The following SAP130 variants were observed in gnomAD, a reference collection of about 807,000 sequenced individuals.
SAP130 encodes Sin3A associated protein 130.
A neutral mutation model predicts 103.2 loss-of-function variants in SAP130; 16 were observed. The ratio of observed to expected loss-of-function variants is 0.16; its 90% CI spans 0.10 to 0.24. SAP130 has a LOEUF of 0.24. Ranked by LOEUF, SAP130 falls within the 10% of genes least tolerant of loss-of-function variation. SAP130 has a pLI of 1.00. For synonymous variants in SAP130, 477 were observed against 497.0 expected (o/e 0.96, Z 0.53); for missense variants, 990 against 1,359.7 (o/e 0.73, Z 4.28).
intron 12 of SAP130, 104 bp downstream of exon 12, chr2:127,993,083 C>G (rs1379988960): frequency 6.0e-6 from 8 of 1,340,260 alleles, no homozygotes; most frequent in Non-Finnish European, 8.4e-6. Context: ...AAAACAGAAG[C>G]TGAAATAATT....
intron 6 of SAP130, among the ~76,000 whole-genome samples, chr2:128,012,720 C>A (rs1684488417): frequency 6.6e-6 from 1 of 151,558 alleles, no homozygotes; most frequent in Non-Finnish European, 1.5e-5. Flanking sequence ...AAATTAAAAT[C>A]CCTCAATCCT....
intron 15 of SAP130, among the ~76,000 whole-genome samples, chr2:127,965,056 G>A (rs572397495): frequency 9.0e-4 from 133 of 147,456 alleles, no homozygotes; most frequent in Non-Finnish European, 1.6e-3. Context: ...CAGCCCTTTG[G>A]GAGGCCAAGG....
Position 127,993,321 on chromosome 2 carries a change from C to T in SAP130, c.1356-13G>A, listed in dbSNP as rs780395114. 6.3e-7 allele frequency: 1 copy of T among 1,591,224 alleles called. No homozygotes were observed. Among genetic ancestry groups the T allele is most frequent in the South Asian group, 1.1e-5 (1 of 88,040 alleles). On this transcript the variant is annotated splice_polypyrimidine_tract_variant and intron_variant, in intron 11 of 20. Transcript: ENST00000643581. Reference sequence around the variant, plus strand: ...GGGAACAGACGGTCTAGAGACAGAACAGATGATAGCAAACAAAATAGTCAT... The same window carrying T: ...GGGAACAGACGGTCTAGAGACAGAATAGATGATAGCAAACAAAATAGTCAT...
chr2:127,956,011 T>C lies in SAP130; in HGVS notation c.2064-667A>G, dbSNP rs538814836. Among the ~76,000 whole-genome samples the C allele has an allele frequency of 3.9e-5, 6 of 152,342 alleles. No homozygotes were observed. In the South Asian group the frequency reaches 1.2e-3, roughly 32 times the overall value. ...CCAGAATTCCTTAATATATATGTTG[T>C]CTTTGGAGTTGTTATTTTTCTGTTT... is the stretch of plus-strand genomic sequence containing the variant. On this transcript the variant is annotated intron_variant, in intron 15 of 20. Transcript: ENST00000643581.
chr2:127,977,941 T>C, intron 15 of SAP130, 44 bp downstream of exon 15: 2 of 1,374,108 alleles, frequency 1.5e-6, no homozygotes, highest in South Asian at 1.2e-5. Context: ...ACTGCAACGA[T>C]GTGTGGGTAA....
intron 15 of SAP130, among the ~76,000 whole-genome samples, chr2:127,966,570 G>A (rs1444638269): frequency 1.3e-5 from 2 of 151,990 alleles, no homozygotes; most frequent in Non-Finnish European, 2.9e-5. Context: ...GGATGTGGTG[G>A]CGCATGCTTG....
At chr2:127,985,722 A>G (rs1309168408) in intron 14 of SAP130, among the ~76,000 whole-genome samples, 1 of 151,890 alleles carries the variant, frequency 6.6e-6, no homozygotes, top group Non-Finnish European at 1.5e-5. Flanking sequence ...GAGGACAGGC[A>G]TTTTTGTTTT....
chr2:128,003,187 G>A (rs938840792), intron 7 of SAP130, among the ~76,000 whole-genome samples: 2 of 151,614 alleles, frequency 1.3e-5, no homozygotes, highest in African/African-American at 4.8e-5. Flanking sequence ...TTGGGGCACT[G>A]GGAGCAAAAG....
chr2:127,967,248 A>T (rs2461442), intron 15 of SAP130, among the ~76,000 whole-genome samples: 151,884 of 152,332 alleles, frequency 1, 75,720 homozygotes, highest in Middle Eastern at 1. Flanking sequence ...CCAGGGCAGA[A>T]CTCATGTTAA....
intron 12 of SAP130, among the ~76,000 whole-genome samples, chr2:127,990,938 CA>C (rs36073149): frequency 5.1e-4 from 61 of 119,432 alleles, no homozygotes; most frequent in Middle Eastern, 4.3e-3. Context: ...AAGACTGTCT[CA>C]AAAAAAAAAA....
At chr2:127,984,576 C>G (rs1444223711) in intron 14 of SAP130, among the ~76,000 whole-genome samples, 1 of 152,168 alleles carries the variant, frequency 6.6e-6, no homozygotes, top group African/African-American at 2.4e-5. Flanking sequence ...GTGTCAGTAT[C>G]TTTAGAGCTT....
At position 127,975,944 on chromosome 2, in the gene SAP130, A is replaced by C. The variant is rs535289069; in HGVS notation, c.2063+2041T>G. 2.6e-5 allele frequency among the ~76,000 whole-genome samples: 4 copies of C among 152,238 alleles called. No homozygotes were observed. The East Asian group carries it at 7.7e-4, about 29-fold the overall frequency. The stretch of plus-strand genomic sequence containing the variant: ...ACTGCAAGCTCCGCCTCCTGGGTTC[A>C]CGCCATTCTCCTGCCTCAGCCTCCT... On this transcript the variant is annotated intron_variant, in intron 15 of 20. Coordinates refer to ENST00000643581, the MANE Select transcript of SAP130 (RefSeq NM_001330301.2).
At chr2:128,023,994 A>G (rs1406244628) in intron 2 of SAP130, among the ~76,000 whole-genome samples, 1 of 151,470 alleles carries the variant, frequency 6.6e-6, no homozygotes, top group Non-Finnish European at 1.5e-5. Flanking sequence ...AATTAGCCAA[A>G]TAAGTAAGTA....
At chr2:127,988,319 G>C (rs1303957212) in intron 13 of SAP130, among the ~76,000 whole-genome samples, 2 of 151,634 alleles carry the variant, frequency 1.3e-5, no homozygotes, top group Non-Finnish European at 2.9e-5. Flanking sequence ...TGCTACACGG[G>C]TGTCTGAGGC....
chr2:127,964,992 C>G (rs1455728124), intron 15 of SAP130, among the ~76,000 whole-genome samples: 1 of 76,424 alleles, frequency 1.3e-5, no homozygotes, highest in African/African-American at 3.7e-5. Flanking sequence ...GAATGAGACT[C>G]TGTCTCAAAA....
Position 127,996,117 on chromosome 2 carries a change from T to A in SAP130, c.1355+233A>T, listed in dbSNP as rs934964375. On this transcript the variant is annotated intron_variant, in intron 11 of 20. Coordinates refer to ENST00000643581, the MANE Select transcript of SAP130 (RefSeq NM_001330301.2). The surrounding 1 kb of genome is among the most constrained non-coding windows in gnomAD (Gnocchi z 4.3). Reference sequence around the variant, plus strand: ...TACTCTCAAAATGGCCAAAAAATGTTAAACACACAAAACCCAAAAAATGGA... The same window carrying A: ...TACTCTCAAAATGGCCAAAAAATGTAAAACACACAAAACCCAAAAAATGGA... 2.0e-5 allele frequency among the ~76,000 whole-genome samples: 3 copies of A among 151,924 alleles called. No individual in the cohort carries two copies. The highest frequency in any genetic ancestry group is 4.4e-5 in the Non-Finnish European group (3 of 67,980).
At chr2:128,014,534 G>A (rs976000616) in intron 5 of SAP130, among the ~76,000 whole-genome samples, 5 of 152,092 alleles carry the variant, frequency 3.3e-5, no homozygotes, top group East Asian at 1.9e-4. Context: ...ACAGGGTTTC[G>A]CCATGTTGCC....
In SAP130 at chr2:128,000,155, G is replaced by A; in HGVS notation, c.1018-9C>T. The A allele has an allele frequency of 6.2e-7, 1 of 1,613,452 alleles. No homozygotes were observed. The highest frequency in any genetic ancestry group is 8.5e-7 in the Non-Finnish European group (1 of 1,179,394). ...GTACTGAAGATTGTTTTCTGTGAGG[G>A]AAACCCCACAACACAGTTATAAGAA... On this transcript the variant is annotated splice_polypyrimidine_tract_variant and intron_variant, in intron 8 of 20. Transcript: ENST00000643581.
At chr2:127,950,075 T>C in intron 17 of SAP130, 81 bp from the exon 18 acceptor site, 2 of 1,607,620 alleles carry the variant, frequency 1.2e-6, no homozygotes, top group African/African-American at 2.7e-5. Context: ...GAGGTACGAG[T>C]GAGGCTGACT....
Sources: allele counts gnomAD v4.1 joint callset (sites outside exome capture counted in the v4.1 genomes callset), GRCh38; gene constraint gnomAD v4.1.1; non-coding constraint Gnocchi (gnomAD v3.1); transcripts MANE v1.5; gene names NCBI Gene and HGNC (gene_info 2026-07-23, HGNC 2026-07-21).